CACNB4: variants seen among roughly 807,000 people sequenced by gnomAD.
The protein encoded by CACNB4 is voltage-dependent L-type calcium channel subunit beta-4.
A neutral mutation model predicts 71.2 loss-of-function variants in CACNB4; 32 were observed. That is an observed-to-expected ratio of 0.45 (90% CI 0.34 to 0.60). CACNB4 has a LOEUF of 0.60. Among genes scored for constraint, CACNB4 ranks in the 20% least tolerant of loss-of-function variants. The pLI is 0.01. For missense variants in CACNB4, 464 were observed against 647.9 expected, an observed-to-expected ratio of 0.72 and a Z score of 3.08; for synonymous variants, 231 against 236.9, an observed-to-expected ratio of 0.97 and a Z score of 0.23.
chr2:152,092,895 A>G (rs1054790958), intron 2 of CACNB4, among the ~76,000 whole-genome samples: 3 of 151,990 alleles, frequency 2.0e-5, no homozygotes, highest in Non-Finnish European at 2.9e-5. Context: ...TAATTTGTAA[A>G]TTAGGCACAG....
chr2:152,001,623 G>A (rs552302813), intron 2 of CACNB4, among the ~76,000 whole-genome samples: 1 of 148,920 alleles, frequency 6.7e-6, no homozygotes, highest in African/African-American at 2.5e-5. Context: ...TGAGGCAGGA[G>A]AATCGCTTGA....
At chr2:151,950,311 GAGAC>G (rs2099866612) in intron 2 of CACNB4, among the ~76,000 whole-genome samples, 1 of 152,062 alleles carries the variant, frequency 6.6e-6, no homozygotes, top group African/African-American at 2.4e-5. Context: ...AGTTTCTATA[GAGAC>G]AGTCATATGT....
At chr2:151,999,342 A>G (rs1174893574) in intron 2 of CACNB4, among the ~76,000 whole-genome samples, 1 of 148,136 alleles carries the variant, frequency 6.8e-6, no homozygotes, top group East Asian at 2.0e-4. Flanking sequence ...TTTCCAGTTG[A>G]TGGTACCTTA....
intron 2 of CACNB4, among the ~76,000 whole-genome samples, chr2:151,991,145 C>T (rs1681682528): frequency 6.6e-6 from 1 of 152,308 alleles, no homozygotes; most frequent in South Asian, 2.1e-4. Context: ...TCCCATCAAG[C>T]TAGCAGTGAT....
At chr2:152,062,656 G>C (rs1393554676) in intron 2 of CACNB4, among the ~76,000 whole-genome samples, 1 of 152,048 alleles carries the variant, frequency 6.6e-6, no homozygotes, top group African/African-American at 2.4e-5. Flanking sequence ...AACGTGGAAC[G>C]GCTCTCTTTC....
chr2:152,005,871 A>G (rs1420107363), intron 2 of CACNB4, among the ~76,000 whole-genome samples: 11 of 152,238 alleles, frequency 7.2e-5, no homozygotes, highest in Admixed American at 7.2e-4. Flanking sequence ...TAACAATGGA[A>G]CCAAGTACAT....
chr2:152,069,529 A>C (rs902953932), intron 2 of CACNB4, among the ~76,000 whole-genome samples: 1 of 149,902 alleles, frequency 6.7e-6, no homozygotes. Flanking sequence ...TTTCAGTAGA[A>C]TCAAATTCTT....
At chr2:151,873,927 A>G (rs530451083) in intron 5 of CACNB4, 1 of 152,396 alleles carries the variant, frequency 6.6e-6, no homozygotes, top group East Asian at 1.9e-4. Flanking sequence ...GTTTGGCACC[A>G]TCTCCTTGTG....
Position 152,098,244 on chromosome 2 carries a change from C to T in CACNB4, c.147+86G>A. On this transcript the variant is annotated intron_variant, in intron 2 of 13. Transcript: ENST00000539935. This position sits in a 1 kb window ranked among gnomAD's most constrained non-coding sequence, Gnocchi z 5.3. ...GCGCGGGCTTGACCCGCAGCTCCCG[C>T]ACGTGTGGGCCACGGCCGGCTCCAG... The T allele has an allele frequency of 2.8e-6, 3 of 1,065,286 alleles. No individual in the cohort carries two copies. Among genetic ancestry groups the T allele is most frequent in the Middle Eastern group, 2.4e-4 (1 of 4,176 alleles). 66.0% of individuals were successfully genotyped at this position (1,065,286 alleles called of 1,614,324 possible). A position where few individuals can be genotyped will look rare whatever the true frequency, so the allele number is the denominator to read the frequency against.
At chr2:152,041,675 G>C (rs1684881412) in intron 2 of CACNB4, among the ~76,000 whole-genome samples, 1 of 152,142 alleles carries the variant, frequency 6.6e-6, no homozygotes, top group Non-Finnish European at 1.5e-5. Context: ...TATTGTCGGA[G>C]ACATCTTCAG....
intron 2 of CACNB4, among the ~76,000 whole-genome samples, chr2:151,907,691 A>C (rs2099855150): frequency 6.6e-6 from 1 of 152,230 alleles, no homozygotes; most frequent in African/African-American, 2.4e-5. Context: ...TTGAATAAGA[A>C]AAACAGCTTC....
intron 2 of CACNB4, among the ~76,000 whole-genome samples, chr2:151,979,654 G>A (rs955174553): frequency 2.7e-4 from 41 of 152,082 alleles, no homozygotes; most frequent in African/African-American, 8.9e-4. Context: ...TTACAGCTTC[G>A]AATTGTTGAC....
chr2:151,976,628 C>A (rs2151743446), intron 2 of CACNB4, among the ~76,000 whole-genome samples: 1 of 152,302 alleles, frequency 6.6e-6, no homozygotes, highest in Admixed American at 6.5e-5. Flanking sequence ...AGGGTTTCAA[C>A]CCAATACTCG....
intron 2 of CACNB4, among the ~76,000 whole-genome samples, chr2:152,037,100 C>A (rs116116836): frequency 1.5e-4 from 23 of 152,266 alleles, no homozygotes; most frequent in African/African-American, 5.3e-4. Context: ...TTGATTCTTG[C>A]GGGGGCATAG....
chr2:152,050,471 G>C (rs1579201751), intron 2 of CACNB4, among the ~76,000 whole-genome samples: 1 of 152,182 alleles, frequency 6.6e-6, no homozygotes, highest in African/African-American at 2.4e-5. Flanking sequence ...CAGCCAGATG[G>C]AAAGTTAAAG....
intron 2 of CACNB4, chr2:151,883,595 T>C: frequency 1.9e-6 from 1 of 535,028 alleles, no homozygotes; most frequent in Non-Finnish European, 3.4e-6. Context: ...GATTAAGTGC[T>C]AGGAAGTAAA....
At position 151,855,349 on chromosome 2, in the gene CACNB4, T is replaced by C. The variant is rs769991994; in HGVS notation, c.895A>G (p.Ile299Val). 1.3e-6 allele frequency: 2 copies of C among 1,595,150 alleles called. No individual in the cohort carries two copies. The highest frequency in any genetic ancestry group is 4.5e-5 in the East Asian group (2 of 44,534). Residue 299 changes from isoleucine to valine, a missense_variant, in exon 11 of 14, where the codon ATC becomes GTC. Ile to Val is a conservative substitution (Grantham distance 29). This residue lies in a region of CACNB4 where 299 missense variants were observed against 471.7 expected (regional missense o/e 0.63). Coordinates refer to ENST00000539935, the MANE Select transcript of CACNB4 (RefSeq NM_000726.5). Reference protein sequence around the residue: ...LAEVQSEIERIFELARSLQLV... With the variant: ...LAEVQSEIERVFELARSLQLV... ...TGCAAAGATCTTGCCAACTCAAAGA[T>C]TCTTTCAATTTCACTTTGTACTTCC...
chr2:152,011,427 G>T (rs1252709843), intron 2 of CACNB4, among the ~76,000 whole-genome samples: 1 of 152,262 alleles, frequency 6.6e-6, no homozygotes, highest in Non-Finnish European at 1.5e-5. Flanking sequence ...AAGTTGTTGA[G>T]GTTATTGCTT....
chr2:151,891,141 T>C (rs1409766386), intron 2 of CACNB4, among the ~76,000 whole-genome samples: 1 of 152,246 alleles, frequency 6.6e-6, no homozygotes, highest in Non-Finnish European at 1.5e-5. Context: ...TATTAATTTA[T>C]AAAAGTTGGC....
Sources: gnomAD v4.1 joint callset for allele counts (sites outside exome capture counted in the v4.1 genomes callset) on GRCh38, gnomAD v4.1.1 for gene constraint, gnomAD v4.1.1 regional missense constraint, Gnocchi (gnomAD v3.1) non-coding constraint, MANE v1.5 for transcripts, NCBI Gene and HGNC (gene_info 2026-07-23, HGNC 2026-07-21) for gene names.